Variants in ADAM22 observed in about 807,000 individuals in gnomAD.
The protein encoded by ADAM22 is ADAM metallopeptidase domain 22, also known as disintegrin and metalloproteinase domain-containing protein 22.
ADAM22 carries 65 observed loss-of-function variants against 144.6 expected under a neutral mutation model. That is an observed-to-expected ratio of 0.45 (90% CI 0.37 to 0.55). ADAM22 has a LOEUF of 0.55. Among genes scored for constraint, ADAM22 ranks in the 20% least tolerant of loss-of-function variants. The pLI is 0.00. For missense variants in ADAM22, 974 were observed against 1,184.9 expected (o/e 0.82, Z 2.61); for synonymous variants, 391 against 412.6 (o/e 0.95, Z 0.63).
chr7:88,019,130 A>C (rs1188633505), intron 3 of ADAM22, among the ~76,000 whole-genome samples: 1 of 152,122 alleles, frequency 6.6e-6, no homozygotes, highest in Non-Finnish European at 1.5e-5. Context: ...ATAAACTTGC[A>C]AGCAATTTAG....
At chr7:88,052,982 T>G (rs1342121029) in intron 3 of ADAM22, among the ~76,000 whole-genome samples, 2 of 152,236 alleles carry the variant, frequency 1.3e-5, no homozygotes, top group African/African-American at 4.8e-5. Flanking sequence ...TTTATTTTTT[T>G]GAAAATATTA....
At chr7:88,007,113 C>G (rs904998150) in intron 3 of ADAM22, among the ~76,000 whole-genome samples, 1 of 152,138 alleles carries the variant, frequency 6.6e-6, no homozygotes, top group African/African-American at 2.4e-5. Context: ...CAATAACAGA[C>G]AGAGAGTGAA....
chr7:88,042,818 G>A (rs1353491903), intron 3 of ADAM22, among the ~76,000 whole-genome samples: 1 of 151,452 alleles, frequency 6.6e-6, no homozygotes, highest in Non-Finnish European at 1.5e-5. Context: ...GTGACTTAAT[G>A]TGCTTCTAAC....
intron 9 of ADAM22, among the ~76,000 whole-genome samples, chr7:88,129,112 A>G (rs947525078): frequency 7.9e-5 from 12 of 152,044 alleles, no homozygotes; most frequent in Admixed American, 7.2e-4. Flanking sequence ...CAGAAATCAT[A>G]TGGAAATGCT....
intron 2 of ADAM22, among the ~76,000 whole-genome samples, chr7:87,941,635 A>T (rs772039250): frequency 6.6e-6 from 1 of 152,152 alleles, no homozygotes; most frequent in Non-Finnish European, 1.5e-5. Flanking sequence ...CCTACCAACC[A>T]TCTTCTTTTC....
chr7:87,982,670 C>CATATAT (rs3086405), intron 3 of ADAM22, among the ~76,000 whole-genome samples: 2,530 of 38,054 alleles, frequency 0.066, 210 homozygotes, highest in South Asian at 0.16. Context: ...TCAGTTATTA[C>CATATAT]ATATATATAT....
Position 88,161,636 on chromosome 7 carries a change from A to G in ADAM22, c.1908-1376A>G, listed in dbSNP as rs566285683. On this transcript the variant is annotated intron_variant, in intron 22 of 31. Coordinates refer to ENST00000413139, the MANE Select transcript of ADAM22 (RefSeq NM_001324418.2). Reference sequence around the variant, plus strand: ...TTTACAAGAAAAAACAACCCCATTAAAAAGTGGGCAAAGGACATGAACAGA... The same window carrying G: ...TTTACAAGAAAAAACAACCCCATTAGAAAGTGGGCAAAGGACATGAACAGA... 3.3e-5 allele frequency among the ~76,000 whole-genome samples: 5 copies of G among 152,276 alleles called. No individual in the cohort carries two copies. In the South Asian group the frequency reaches 8.3e-4, roughly 25 times the overall value.
At chr7:87,970,028 C>G (rs1485012890) in intron 2 of ADAM22, among the ~76,000 whole-genome samples, 1 of 152,176 alleles carries the variant, frequency 6.6e-6, no homozygotes, top group Non-Finnish European at 1.5e-5. Flanking sequence ...GTAGAACTCT[C>G]TGTTAACAGA....
intron 3 of ADAM22, among the ~76,000 whole-genome samples, chr7:87,989,107 A>G (rs915542781): frequency 6.6e-5 from 10 of 152,240 alleles, no homozygotes; most frequent in Non-Finnish European, 5.9e-5. Context: ...AGATGTTTCC[A>G]CATGAAAGTT....
intron 3 of ADAM22, among the ~76,000 whole-genome samples, chr7:88,034,626 A>G (rs967909658): frequency 2.0e-5 from 3 of 152,108 alleles, no homozygotes; most frequent in Non-Finnish European, 4.4e-5. Context: ...TGCAGTCCTT[A>G]TGGCTTAGAC....
intron 17 of ADAM22, among the ~76,000 whole-genome samples, chr7:88,147,538 T>C (rs1317448890): frequency 6.6e-6 from 1 of 152,246 alleles, no homozygotes; most frequent in Non-Finnish European, 1.5e-5. Flanking sequence ...AAACTTTATT[T>C]ATAAAGATAG....
chr7:87,971,818 G>A (rs1850515197), intron 2 of ADAM22, among the ~76,000 whole-genome samples: 1 of 152,172 alleles, frequency 6.6e-6, no homozygotes, highest in Admixed American at 6.5e-5. Flanking sequence ...CACTTCAGTG[G>A]TGTTGAATAA....
At position 88,163,068 on chromosome 7, in the gene ADAM22, C is replaced by T. The variant is rs374307477; in HGVS notation, c.1964C>T (p.Thr655Ile). 7 of 1,610,490 alleles carry T rather than the reference C, an allele frequency of 4.3e-6. No homozygotes were observed. Among genetic ancestry groups the T allele is most frequent in the East Asian group, 2.2e-5 (1 of 44,710 alleles). ...GATCTTGGCTATGTGGAAGATGGGA[C>T]ACCTTGTGGTCCCCAAATGATGTGC... ...DVDLGYVEDG[T>I]PCGPQMMCLE... Residue 655 changes from threonine (T) to isoleucine (I), a missense_variant, in exon 23 of 32, where the codon ACA (threonine) becomes ATA (isoleucine). Thr to Ile is a moderately conservative substitution (Grantham distance 89, BLOSUM62 -1). Transcript: ENST00000413139.
At chr7:88,166,244 A>T (rs1238199052) in intron 24 of ADAM22, among the ~76,000 whole-genome samples, 1 of 152,122 alleles carries the variant, frequency 6.6e-6, no homozygotes, top group Non-Finnish European at 1.5e-5. Context: ...AGTAGTCATA[A>T]CTCTTAATTG....
At chr7:87,955,977 G>T (rs529286733) in intron 2 of ADAM22, among the ~76,000 whole-genome samples, 2 of 152,200 alleles carry the variant, frequency 1.3e-5, no homozygotes, top group Admixed American at 6.5e-5. Context: ...TAAGCCCATC[G>T]GAAAAGCGCA....
chr7:87,998,215 G>A (rs1246212274), intron 3 of ADAM22, among the ~76,000 whole-genome samples: 1 of 152,038 alleles, frequency 6.6e-6, no homozygotes, highest in Admixed American at 6.6e-5. Flanking sequence ...GATTGAGGGT[G>A]GGTCTGCCTC....
At chr7:88,177,273 A>AT (rs34763148) in intron 26 of ADAM22, among the ~76,000 whole-genome samples, 6 of 151,806 alleles carry the variant, frequency 4.0e-5, no homozygotes, top group Admixed American at 2.0e-4. Flanking sequence ...TATTGACAGC[A>AT]TTTTTTTTCA....
chr7:88,067,256 TA>T (rs770159304), intron 3 of ADAM22, among the ~76,000 whole-genome samples: 330 of 151,332 alleles, frequency 2.2e-3, no homozygotes, highest in African/African-American at 7.9e-3. Flanking sequence ...TTTTTTTTTT[TA>T]AATTATACTT....
At chr7:88,005,625 G>A (rs1793628205) in intron 3 of ADAM22, among the ~76,000 whole-genome samples, 1 of 152,112 alleles carries the variant, frequency 6.6e-6, no homozygotes, top group Admixed American at 6.5e-5. Flanking sequence ...AAGGTGGGTG[G>A]ATGAAGGGAT....
Sources: allele counts gnomAD v4.1 joint callset (sites outside exome capture counted in the v4.1 genomes callset), GRCh38; gene constraint gnomAD v4.1.1; transcripts MANE v1.5; gene names NCBI Gene and HGNC (gene_info 2026-07-23, HGNC 2026-07-21).